The following TSHZ2 variants were observed in gnomAD, a reference collection of about 807,000 sequenced individuals.
The protein encoded by TSHZ2 is teashirt zinc finger homeobox 2.
A neutral mutation model predicts 74.4 loss-of-function variants in TSHZ2; 21 were observed. The observed-to-expected ratio is 0.28, with a 90% CI of 0.20 to 0.41. TSHZ2 has a LOEUF of 0.41. TSHZ2 is among the 10% of genes least tolerant of loss of function. The probability of loss-of-function intolerance (pLI) is 1.00; values close to 1 mark genes in which losing one functional copy is unlikely to be tolerated. For synonymous variants in TSHZ2, 540 were observed against 515.3 expected (o/e 1.05, Z -0.65); for missense variants, 1,244 against 1,293.5 (o/e 0.96, Z 0.59).
chr20:53,227,680 A>G (rs1989716698), intron 1 of TSHZ2, among the ~76,000 whole-genome samples: 2 of 152,206 alleles, frequency 1.3e-5, no homozygotes, highest in Admixed American at 6.5e-5. Flanking sequence ...GCTGCCCTAC[A>G]GCATTGCAAT....
intron 2 of TSHZ2, among the ~76,000 whole-genome samples, chr20:53,326,350 C>T (rs1005108911): frequency 6.6e-6 from 1 of 152,206 alleles, no homozygotes; most frequent in African/African-American, 2.4e-5. Context: ...ACAGGGACTT[C>T]TATCCTGGTT....
At chr20:52,992,109 C>T (rs767369380) in intron 1 of TSHZ2, among the ~76,000 whole-genome samples, 4 of 152,198 alleles carry the variant, frequency 2.6e-5, no homozygotes, top group Non-Finnish European at 5.9e-5. Context: ...GTACTGGAAG[C>T]TCCACACCCT....
At chr20:53,325,379 G>A (rs1380712188) in intron 2 of TSHZ2, among the ~76,000 whole-genome samples, 1 of 152,200 alleles carries the variant, frequency 6.6e-6, no homozygotes, top group Non-Finnish European at 1.5e-5. Flanking sequence ...AGAGGAAGGT[G>A]GAGAGGCAGT....
At chr20:53,305,738 G>A (rs1978510140) in intron 2 of TSHZ2, among the ~76,000 whole-genome samples, 1 of 152,118 alleles carries the variant, frequency 6.6e-6, no homozygotes, top group Non-Finnish European at 1.5e-5. Flanking sequence ...CCAGCACTTT[G>A]GGAGGCCTAG....
chr20:53,245,915 A>C (rs899615728), intron 1 of TSHZ2, among the ~76,000 whole-genome samples: 1 of 152,208 alleles, frequency 6.6e-6, no homozygotes, highest in Non-Finnish European at 1.5e-5. Context: ...CAGAGGTTGC[A>C]AATGGTTGGG....
At chr20:53,357,526 A>G (rs985063287) in intron 2 of TSHZ2, among the ~76,000 whole-genome samples, 1 of 152,182 alleles carries the variant, frequency 6.6e-6, no homozygotes, top group Non-Finnish European at 1.5e-5. Flanking sequence ...AATAAAATTA[A>G]ATAAAATAAC....
At chr20:53,155,243 C>T (rs1224367849) in intron 1 of TSHZ2, among the ~76,000 whole-genome samples, 1 of 151,636 alleles carries the variant, frequency 6.6e-6, no homozygotes, top group Non-Finnish European at 1.5e-5. Flanking sequence ...GAACACCTGA[C>T]CTACCCCAGT....
At chr20:53,131,833 CCAA>C in intron 1 of TSHZ2, among the ~76,000 whole-genome samples, 1 of 64,164 alleles carries the variant, frequency 1.6e-5, no homozygotes. Flanking sequence ...CCCCCCCCCC[CCAA>C]AAAAAAAAAG....
intron 2 of TSHZ2, among the ~76,000 whole-genome samples, chr20:53,353,908 G>A (rs1476089794): frequency 6.6e-6 from 1 of 152,130 alleles, no homozygotes; most frequent in Non-Finnish European, 1.5e-5. Flanking sequence ...GTTTCTATTT[G>A]CCCAGGACTG....
At chr20:53,243,878 A>G (rs1990134341) in intron 1 of TSHZ2, among the ~76,000 whole-genome samples, 1 of 151,702 alleles carries the variant, frequency 6.6e-6, no homozygotes, top group South Asian at 2.1e-4. Flanking sequence ...ACAGCCATGA[A>G]CTTAGCAAAA....
chr20:53,381,367 C>T (rs982090366), intron 2 of TSHZ2, among the ~76,000 whole-genome samples: 3 of 152,204 alleles, frequency 2.0e-5, no homozygotes, highest in African/African-American at 7.2e-5. Flanking sequence ...CCTCTAATAT[C>T]ATTTGCTGGA....
Position 53,455,746 on chromosome 20 carries a change from T to C in TSHZ2, c.*9-31398T>C, listed in dbSNP as rs1195684800. Among the ~76,000 whole-genome samples, 5 of 151,232 alleles carry C rather than the reference T, an allele frequency of 3.3e-5. No individual in the cohort carries two copies. In the South Asian group the frequency reaches 1.1e-3, roughly 32 times the overall value. On this transcript the variant is annotated intron_variant, in intron 2 of 2. Transcript: ENST00000371497. ...CCACAACAGTCCCCAGAGTGTGATGTTCCCCTTCCTGTGTCCATGTGATCT... is the reference window on the plus strand; with the variant it reads ...CCACAACAGTCCCCAGAGTGTGATGCTCCCCTTCCTGTGTCCATGTGATCT...
intron 2 of TSHZ2, among the ~76,000 whole-genome samples, chr20:53,416,793 A>G (rs1983269289): frequency 6.6e-6 from 1 of 152,256 alleles, no homozygotes; most frequent in African/African-American, 2.4e-5. Context: ...ACATAGAGAA[A>G]TAATCCATTG....
intron 1 of TSHZ2, among the ~76,000 whole-genome samples, chr20:53,177,386 G>T (rs549554912): frequency 2.6e-5 from 4 of 152,172 alleles, no homozygotes; most frequent in Admixed American, 2.0e-4. Context: ...TTTAATGTGC[G>T]TATGAATCTA....
At chr20:53,272,470 G>T (rs1421995829) in intron 2 of TSHZ2, among the ~76,000 whole-genome samples, 1 of 152,160 alleles carries the variant, frequency 6.6e-6, no homozygotes, top group Non-Finnish European at 1.5e-5. Context: ...GAAGGAAGGA[G>T]AAGAGAGAGG....
At chr20:53,350,620 G>A (rs560490901) in intron 2 of TSHZ2, among the ~76,000 whole-genome samples, 1 of 152,280 alleles carries the variant, frequency 6.6e-6, no homozygotes, top group South Asian at 2.1e-4. Flanking sequence ...TTCTTACATA[G>A]CCTCCATCAG....
chr20:53,309,601 A>T (rs1480060353), intron 2 of TSHZ2, among the ~76,000 whole-genome samples: 10 of 152,190 alleles, frequency 6.6e-5, no homozygotes, highest in African/African-American at 2.2e-4. Flanking sequence ...CATGATGTGT[A>T]TTTCCAGTAT....
chr20:53,385,919 T>A (rs760777086), intron 2 of TSHZ2, among the ~76,000 whole-genome samples: 51 of 152,152 alleles, frequency 3.4e-4, no homozygotes, highest in Admixed American at 3.3e-4. Context: ...AGAGACCAGA[T>A]CACTCCGGAC....
At chr20:53,031,775 G>A (rs1165443276) in intron 1 of TSHZ2, among the ~76,000 whole-genome samples, 1 of 152,152 alleles carries the variant, frequency 6.6e-6, no homozygotes, top group African/African-American at 2.4e-5. Flanking sequence ...CTTGCATTCT[G>A]TAGCACCACA....
Sources: gnomAD v4.1 joint callset for allele counts (sites outside exome capture counted in the v4.1 genomes callset) on GRCh38, gnomAD v4.1.1 for gene constraint, MANE v1.5 for transcripts, NCBI Gene and HGNC (gene_info 2026-07-23, HGNC 2026-07-21) for gene names.